The following FGD4 variants were observed in gnomAD, a reference collection of about 807,000 sequenced individuals.
FGD4 encodes FYVE, RhoGEF and PH domain-containing protein 4.
In FGD4, 42 loss-of-function variants were observed where a neutral mutation model predicts 102.0. The observed-to-expected ratio is 0.41, with a 90% confidence interval of 0.32 to 0.53. FGD4 has a LOEUF of 0.53. Among genes scored for constraint, FGD4 ranks in the 20% least tolerant of loss-of-function variants. FGD4 has a pLI of 0.21. For synonymous variants in FGD4, 380 were observed against 375.7 expected, an observed-to-expected ratio of 1.01 and a Z score of -0.13; for missense variants, 902 against 1,078.2, an observed-to-expected ratio of 0.84 and a Z score of 2.29.
At chr12:32,441,697 C>T (rs1235950431) in intron 1 of FGD4, among the ~76,000 whole-genome samples, 2 of 152,112 alleles carry the variant, frequency 1.3e-5, no homozygotes, top group Non-Finnish European at 2.9e-5. Flanking sequence ...CCCTAGTCCA[C>T]TGTCTCTGGG....
intron 1 of FGD4, among the ~76,000 whole-genome samples, chr12:32,409,611 C>T (rs1254876046): frequency 1.3e-5 from 2 of 152,080 alleles, no homozygotes; most frequent in East Asian, 1.9e-4. Flanking sequence ...TTTCTTAAAT[C>T]TGAGTATGGA....
intron 4 of FGD4, among the ~76,000 whole-genome samples, chr12:32,594,210 T>G (rs1947694966): frequency 6.6e-6 from 1 of 152,146 alleles, no homozygotes; most frequent in Non-Finnish European, 1.5e-5. Context: ...TCATCTGTAT[T>G]TACAGGCTTG....
intron 1 of FGD4, among the ~76,000 whole-genome samples, chr12:32,448,376 G>T (rs932474746): frequency 1.3e-5 from 2 of 152,082 alleles, no homozygotes; most frequent in African/African-American, 4.8e-5. Flanking sequence ...GGGGTGCTTG[G>T]CTGGGCGCGG....
chr12:32,415,242 A>T (rs537348662), intron 1 of FGD4, among the ~76,000 whole-genome samples: 1 of 152,154 alleles, frequency 6.6e-6, no homozygotes, highest in African/African-American at 2.4e-5. Context: ...GCTCAGGAGG[A>T]TGTTCTGTAG....
intron 1 of FGD4, among the ~76,000 whole-genome samples, chr12:32,484,430 G>T (rs1358182508): frequency 6.6e-6 from 1 of 152,180 alleles, no homozygotes; most frequent in African/African-American, 2.4e-5. Flanking sequence ...ACAAAGTTGA[G>T]CTGAGTCTAG....
intron 1 of FGD4, among the ~76,000 whole-genome samples, chr12:32,447,328 G>A (rs2859602): frequency 0.16 from 24,864 of 152,012 alleles, 4,489 homozygotes; most frequent in African/African-American, 0.44. Context: ...TAAATCTTTG[G>A]TCCCTTAAAT....
At chr12:32,637,808 G>A (rs1950931674) in intron 15 of FGD4, 1 of 151,968 alleles carries the variant, frequency 6.6e-6, no homozygotes, top group African/African-American at 2.4e-5. Flanking sequence ...ACGATCACGA[G>A]AACAGCATGG....
Position 32,643,121 on chromosome 12 carries a change from A to G in FGD4, c.*2588A>G. 6.6e-6 allele frequency: 1 copy of G among 152,522 alleles called. No individual in the cohort carries two copies. Among genetic ancestry groups the G allele is most frequent in the East Asian group, 1.9e-4 (1 of 5,198 alleles). The allele number at this position is 152,522 out of a possible 1,614,324, so 9.4% of individuals were successfully genotyped here. On this transcript the variant is annotated 3_prime_UTR_variant, in exon 17 of 17. Coordinates refer to ENST00000534526, the MANE Select transcript of FGD4 (RefSeq NM_001370298.3). ...TTCCTTGACAAAATTTCTATTCATTATAAAACATTTCAATATTTTAAGCTT... is the reference window on the plus strand; with the variant it reads ...TTCCTTGACAAAATTTCTATTCATTGTAAAACATTTCAATATTTTAAGCTT...
At position 32,599,489 on chromosome 12, in the gene FGD4, C is replaced by T. The variant is rs780008408; in HGVS notation, c.1101+903C>T. Among the ~76,000 whole-genome samples the T allele has an allele frequency of 1.7e-3, 84 of 48,482 alleles. 2 individuals carry two copies. Among genetic ancestry groups the T allele is most frequent in the Non-Finnish European group, 2.1e-3 (59 of 28,054 alleles). The allele number at this position is 48,482 out of a possible 152,430, so 31.8% of individuals were successfully genotyped here. On this transcript the variant is annotated intron_variant, in intron 5 of 16. Coordinates refer to ENST00000534526, the MANE Select transcript of FGD4 (RefSeq NM_001370298.3). ...CAGCCTGGGTGACAGAGCGAGACTCCGTCTCAAAAAAAAAAAAAAGAATAA... is the reference window on the plus strand; with the variant it reads ...CAGCCTGGGTGACAGAGCGAGACTCTGTCTCAAAAAAAAAAAAAAGAATAA...
At chr12:32,573,699 T>C (rs1261910206) in intron 2 of FGD4, among the ~76,000 whole-genome samples, 2 of 152,240 alleles carry the variant, frequency 1.3e-5, no homozygotes, top group African/African-American at 4.8e-5. Flanking sequence ...TATTTACTGA[T>C]TTACTGTACA....
Position 32,544,962 on chromosome 12 carries a change from C to T in FGD4, c.167-19175C>T, listed in dbSNP as rs1377709583. On this transcript the variant is annotated intron_variant, in intron 1 of 16. Transcript: ENST00000534526. The surrounding 1 kb of genome is among the most constrained non-coding windows in gnomAD (Gnocchi z 4.1). ...CTGGGTCTCATATCCCAGAGATTGA[C>T]TTAAGTGGTTTGGGGTGCAACCCAG... is the stretch of plus-strand genomic sequence containing the variant. Among the ~76,000 whole-genome samples the T allele has an allele frequency of 6.6e-6, 1 of 152,158 alleles. No individual in the cohort carries two copies. The highest frequency in any genetic ancestry group is 1.5e-5 in the Non-Finnish European group (1 of 68,040).
chr12:32,407,622 C>T (rs555087960), intron 1 of FGD4, among the ~76,000 whole-genome samples: 19 of 152,206 alleles, frequency 1.2e-4, no homozygotes, highest in Non-Finnish European at 1.9e-4. Context: ...TTCTGGCATA[C>T]TTTTTGCTCA....
At chr12:32,584,986 C>A (rs1371128525) in intron 4 of FGD4, among the ~76,000 whole-genome samples, 1 of 151,618 alleles carries the variant, frequency 6.6e-6, no homozygotes, top group Non-Finnish European at 1.5e-5. Flanking sequence ...TTTGGAAGGC[C>A]GAGGTGGGTG....
At chr12:32,475,535 A>G (rs1406435673) in intron 1 of FGD4, among the ~76,000 whole-genome samples, 1 of 152,166 alleles carries the variant, frequency 6.6e-6, no homozygotes, top group African/African-American at 2.4e-5. Context: ...TGTGATTCCA[A>G]AAGCACGGGT....
chr12:32,411,713 G>T (rs1056941808), intron 1 of FGD4, among the ~76,000 whole-genome samples: 7 of 152,126 alleles, frequency 4.6e-5, no homozygotes, highest in Non-Finnish European at 1.5e-5. Flanking sequence ...AGTGGCTTAC[G>T]CCTGTAATCC....
chr12:32,478,419 C>G (rs1943639504), intron 1 of FGD4, among the ~76,000 whole-genome samples: 1 of 152,076 alleles, frequency 6.6e-6, no homozygotes, highest in South Asian at 2.1e-4. Flanking sequence ...TGTATGCCAC[C>G]ACACCTGGCT....
rs114279922 is a variant in FGD4, at chr12:32,527,206, T to G, written c.167-36931T>G. 5.2e-3 allele frequency among the ~76,000 whole-genome samples: 789 copies of G among 152,282 alleles called. 8 individuals are homozygous for G. Among genetic ancestry groups the G allele is most frequent in the African/African-American group, 0.017 (721 of 41,556 alleles). On this transcript the variant is annotated intron_variant, in intron 1 of 16. Transcript: ENST00000534526. ...CTTTTAAAAAATAATAAAATTATGTTTGTTAATTAAGTGAATTATGATAGA... is the reference window on the plus strand; with the variant it reads ...CTTTTAAAAAATAATAAAATTATGTGTGTTAATTAAGTGAATTATGATAGA...
At chr12:32,633,820 A>G (rs1950635887) in intron 15 of FGD4, 131 bp downstream of exon 15, 1 of 808,872 alleles carries the variant, frequency 1.2e-6, no homozygotes. Flanking sequence ...AGTTGCTGGA[A>G]TTACAGGCCC....
At chr12:32,512,572 C>G (rs866784993) in intron 1 of FGD4, among the ~76,000 whole-genome samples, 2 of 152,140 alleles carry the variant, frequency 1.3e-5, no homozygotes, top group South Asian at 4.1e-4. Context: ...TCACTGCCAC[C>G]TTGTCACAGA....
Sources: gnomAD v4.1 joint callset for allele counts (sites outside exome capture counted in the v4.1 genomes callset) on GRCh38, gnomAD v4.1.1 for gene constraint, Gnocchi (gnomAD v3.1) non-coding constraint, MANE v1.5 for transcripts, NCBI Gene and HGNC (gene_info 2026-07-23, HGNC 2026-07-21) for gene names.